MLLT3: variants seen among roughly 807,000 people sequenced by gnomAD.
MLLT3 encodes MLLT3 super elongation complex subunit.
Under a neutral mutation model 53.2 loss-of-function variants are expected in MLLT3, and 4 were observed. The ratio of observed to expected loss-of-function variants is 0.08; its 90% CI spans 0.04 to 0.17. MLLT3 has a LOEUF of 0.17. Among genes scored for constraint, MLLT3 ranks in the 10% least tolerant of loss-of-function variants. The pLI is 1.00. For missense variants in MLLT3, 569 were observed against 684.0 expected, an observed-to-expected ratio of 0.83 and a Z score of 1.87; for synonymous variants, 283 against 230.6, an observed-to-expected ratio of 1.23 and a Z score of -2.06.
At chr9:20,559,225 T>C (rs956975615) in intron 2 of MLLT3, among the ~76,000 whole-genome samples, 1 of 152,242 alleles carries the variant, frequency 6.6e-6, no homozygotes, top group East Asian at 1.9e-4. Flanking sequence ...TATAAGTATT[T>C]TGGAATATTT....
chr9:20,388,988 A>T (rs957000050), intron 5 of MLLT3, among the ~76,000 whole-genome samples: 2 of 152,232 alleles, frequency 1.3e-5, no homozygotes, highest in Non-Finnish European at 2.9e-5. Context: ...CAAATGCTGC[A>T]GTAGGATCAG....
chr9:20,583,216 G>A (rs1208867392), intron 2 of MLLT3, among the ~76,000 whole-genome samples: 1 of 152,244 alleles, frequency 6.6e-6, no homozygotes, highest in South Asian at 2.1e-4. Flanking sequence ...TTGACTCCAG[G>A]TCTCACATAG....
At chr9:20,377,417 G>C (rs1488831864) in intron 5 of MLLT3, among the ~76,000 whole-genome samples, 1 of 151,934 alleles carries the variant, frequency 6.6e-6, no homozygotes, top group Non-Finnish European at 1.5e-5. Flanking sequence ...CTCAGTACTG[G>C]ATTATAAATA....
intron 5 of MLLT3, chr9:20,410,744 A>T (rs1389411813): frequency 6.6e-6 from 1 of 152,192 alleles, no homozygotes; most frequent in East Asian, 1.9e-4. Context: ...ATTTTTATAT[A>T]AAACCTGAGT....
chr9:20,586,170 A>G (rs891711411), intron 2 of MLLT3, among the ~76,000 whole-genome samples: 2 of 152,050 alleles, frequency 1.3e-5, no homozygotes, highest in South Asian at 4.1e-4. Flanking sequence ...AATGTTTTAA[A>G]TTAGCCAGGT....
intron 2 of MLLT3, among the ~76,000 whole-genome samples, chr9:20,459,382 T>C (rs1824051917): frequency 6.6e-6 from 1 of 152,184 alleles, no homozygotes; most frequent in African/African-American, 2.4e-5. Context: ...AATATTCAAA[T>C]ATTGTGAACA....
At chr9:20,489,231 T>C (rs571511830) in intron 2 of MLLT3, among the ~76,000 whole-genome samples, 2 of 152,178 alleles carry the variant, frequency 1.3e-5, no homozygotes, top group Non-Finnish European at 2.9e-5. Flanking sequence ...AAAAATAAAT[T>C]TCGTAAAATT....
At chr9:20,533,299 A>G (rs904296342) in intron 2 of MLLT3, 1 of 329,940 alleles carries the variant, frequency 3.0e-6, no homozygotes, top group Non-Finnish European at 6.2e-6. Context: ...GCCAAGCTCA[A>G]AAAGGCAAAG....
intron 2 of MLLT3, among the ~76,000 whole-genome samples, chr9:20,584,335 ATCT>A (rs1819890748): frequency 6.6e-6 from 1 of 152,118 alleles, no homozygotes; most frequent in Admixed American, 6.5e-5. Context: ...ACATTTTCCT[ATCT>A]TCTTCTGAGC....
At chr9:20,444,837 A>G (rs1231612862) in intron 4 of MLLT3, among the ~76,000 whole-genome samples, 2 of 152,120 alleles carry the variant, frequency 1.3e-5, no homozygotes. Context: ...GCACCACTGC[A>G]CTCCAGCCTG....
intron 2 of MLLT3, among the ~76,000 whole-genome samples, chr9:20,531,575 C>A (rs1366807943): frequency 6.6e-6 from 1 of 152,202 alleles, no homozygotes; most frequent in African/African-American, 2.4e-5. Flanking sequence ...CAATGAGAAG[C>A]AAGGTCCACT....
intron 5 of MLLT3, among the ~76,000 whole-genome samples, chr9:20,372,306 TCTACTGCA>T (rs949968731): frequency 6.6e-6 from 1 of 152,216 alleles, no homozygotes; most frequent in Non-Finnish European, 1.5e-5. Flanking sequence ...TTCTAAAAGA[TCTACTGCA>T]CTATCAAACA....
chr9:20,563,389 G>A (rs1177710208), intron 2 of MLLT3, among the ~76,000 whole-genome samples: 3 of 152,006 alleles, frequency 2.0e-5, no homozygotes, highest in Admixed American at 2.0e-4. Flanking sequence ...GGTCCCTGCT[G>A]GGTAGGGAGG....
rs146207481 is a variant in MLLT3, at chr9:20,425,106, T to A, written c.421-10681A>T. On this transcript the variant is annotated intron_variant, in intron 4 of 10. Transcript: ENST00000380338. ...AAATAACTTTAGGATAACCTGAACT[T>A]GAGAATCAAGGGACATTGTCCATAG... Among the ~76,000 whole-genome samples the A allele has an allele frequency of 4.1e-3, 621 of 152,274 alleles. 4 individuals are homozygous for A. Among genetic ancestry groups the A allele is most frequent in the African/African-American group, 0.014 (577 of 41,568 alleles).
At chr9:20,397,906 A>C (rs551378981) in intron 5 of MLLT3, among the ~76,000 whole-genome samples, 1 of 152,196 alleles carries the variant, frequency 6.6e-6, no homozygotes, top group South Asian at 2.1e-4. Flanking sequence ...ATGTATTTCC[A>C]AATACAAGTG....
intron 2 of MLLT3, among the ~76,000 whole-genome samples, chr9:20,565,616 T>C (rs1429496603): frequency 6.6e-6 from 1 of 151,970 alleles, no homozygotes; most frequent in African/African-American, 2.4e-5. Flanking sequence ...TTTTAAAACA[T>C]GCCCAGGTTC....
intron 2 of MLLT3, among the ~76,000 whole-genome samples, chr9:20,498,854 T>C (rs928540660): frequency 6.6e-6 from 1 of 152,228 alleles, no homozygotes; most frequent in Non-Finnish European, 1.5e-5. Context: ...TGTTTCAATA[T>C]AACTTTAAGC....
chr9:20,539,183 T>A (rs551938071), intron 2 of MLLT3, among the ~76,000 whole-genome samples: 19 of 152,238 alleles, frequency 1.2e-4, no homozygotes, highest in Non-Finnish European at 2.1e-4. Context: ...GATTTCCCTG[T>A]GGCATGTGAT....
chr9:20,521,783 C>T (rs188930767), intron 2 of MLLT3, among the ~76,000 whole-genome samples: 16 of 152,078 alleles, frequency 1.1e-4, no homozygotes, highest in African/African-American at 2.4e-4. Context: ...CCTTATTGTT[C>T]GTGATGCCAT....
Sources: gnomAD v4.1 joint callset for allele counts (sites outside exome capture counted in the v4.1 genomes callset) on GRCh38, gnomAD v4.1.1 for gene constraint, MANE v1.5 for transcripts, NCBI Gene and HGNC (gene_info 2026-07-23, HGNC 2026-07-21) for gene names.